GALNT14: variants seen among roughly 807,000 people sequenced by gnomAD.
GALNT14 encodes UDP-GalNAc:polypeptide N-acetylgalactosaminyltransferase 14.
Under a neutral mutation model 77.5 loss-of-function variants are expected in GALNT14, and 60 were observed. The observed-to-expected ratio is 0.77, with a 90% confidence interval of 0.63 to 0.96. GALNT14 has a LOEUF of 0.96. Among genes scored for constraint, GALNT14 ranks in the 40% least tolerant of loss-of-function variants. GALNT14 has a pLI of 0.00. For synonymous variants in GALNT14, 280 were observed against 281.7 expected (o/e 0.99, Z 0.06); for missense variants, 710 against 731.0 (o/e 0.97, Z 0.33).
At chr2:31,106,185 C>A (rs546843201) in intron 1 of GALNT14, among the ~76,000 whole-genome samples, 2 of 152,188 alleles carry the variant, frequency 1.3e-5, no homozygotes. Flanking sequence ...TTGCCCAACA[C>A]CCAAATTCGT....
At chr2:30,931,582 G>C (rs1665731025) in intron 10 of GALNT14, among the ~76,000 whole-genome samples, 1 of 151,918 alleles carries the variant, frequency 6.6e-6, no homozygotes, top group South Asian at 2.1e-4. Context: ...CCCCAGCCTG[G>C]ACCCTTTGAC....
intron 2 of GALNT14, among the ~76,000 whole-genome samples, chr2:30,968,140 C>A (rs1409804756): frequency 6.6e-6 from 1 of 152,230 alleles, no homozygotes; most frequent in Non-Finnish European, 1.5e-5. Context: ...TGAGTTCCTC[C>A]AGGGAAGGCC....
chr2:31,036,165 T>C (rs1220095691), intron 1 of GALNT14, among the ~76,000 whole-genome samples: 1 of 152,232 alleles, frequency 6.6e-6, no homozygotes, highest in Non-Finnish European at 1.5e-5. Flanking sequence ...TTTATCTCTG[T>C]CATTTTGCTT....
At chr2:30,940,522 T>C (rs1051397931) in intron 9 of GALNT14, among the ~76,000 whole-genome samples, 1 of 152,210 alleles carries the variant, frequency 6.6e-6, no homozygotes, top group Admixed American at 6.5e-5. Context: ...AACTGTGAAA[T>C]AGCGAATGCA....
chr2:31,084,181 A>T (rs1676296982), intron 1 of GALNT14, among the ~76,000 whole-genome samples: 1 of 152,152 alleles, frequency 6.6e-6, no homozygotes, highest in Non-Finnish European at 1.5e-5. Flanking sequence ...TTTTATCCTC[A>T]ACACAACCGA....
intron 1 of GALNT14, among the ~76,000 whole-genome samples, chr2:31,029,496 T>C (rs1357561312): frequency 6.6e-6 from 1 of 152,230 alleles, no homozygotes; most frequent in African/African-American, 2.4e-5. Context: ...AACGTAGTTA[T>C]ATTTCTCAGC....
At chr2:31,060,436 G>A (rs1558535834) in intron 1 of GALNT14, among the ~76,000 whole-genome samples, 1 of 152,162 alleles carries the variant, frequency 6.6e-6, no homozygotes, top group Non-Finnish European at 1.5e-5. Flanking sequence ...TTCAGCGGAG[G>A]GAAAGAACTG....
At chr2:30,951,504 T>C (rs988767989) in intron 6 of GALNT14, among the ~76,000 whole-genome samples, 12 of 152,310 alleles carry the variant, frequency 7.9e-5, no homozygotes, top group South Asian at 2.1e-4. Context: ...AAACTTTTCC[T>C]TTTGGGGTGA....
chr2:31,052,168 G>A (rs933358292), intron 1 of GALNT14, among the ~76,000 whole-genome samples: 2 of 152,074 alleles, frequency 1.3e-5, no homozygotes, highest in African/African-American at 4.8e-5. Context: ...TAGCACCCAG[G>A]ACACTGCCCC....
At chr2:31,060,224 G>C (rs1468493759) in intron 1 of GALNT14, among the ~76,000 whole-genome samples, 1 of 152,180 alleles carries the variant, frequency 6.6e-6, no homozygotes, top group African/African-American at 2.4e-5. Context: ...TTCTCTGCCA[G>C]GCTGAGCAGA....
intron 1 of GALNT14, among the ~76,000 whole-genome samples, chr2:31,126,477 A>G (rs1319009609): frequency 6.6e-6 from 1 of 152,206 alleles, no homozygotes; most frequent in Non-Finnish European, 1.5e-5. Flanking sequence ...TGTTCGTCAC[A>G]TGAAAAACCA....
At chr2:31,044,949 G>A (rs1033878526) in intron 1 of GALNT14, among the ~76,000 whole-genome samples, 6 of 151,994 alleles carry the variant, frequency 3.9e-5, no homozygotes, top group African/African-American at 1.2e-4. Flanking sequence ...TAGCAGATCC[G>A]TCAGGCATGG....
intron 1 of GALNT14, among the ~76,000 whole-genome samples, chr2:31,070,037 C>A (rs1320895192): frequency 6.6e-6 from 1 of 152,094 alleles, no homozygotes; most frequent in Admixed American, 6.5e-5. Flanking sequence ...TTACCCCCAC[C>A]CTCCGAGTCC....
At chr2:31,037,645 G>T (rs933043385) in intron 1 of GALNT14, among the ~76,000 whole-genome samples, 1 of 152,050 alleles carries the variant, frequency 6.6e-6, no homozygotes. Context: ...TTTCCCCAGG[G>T]TGTGTTTTTG....
intron 1 of GALNT14, among the ~76,000 whole-genome samples, chr2:31,020,086 A>G (rs1040560504): frequency 2.0e-5 from 3 of 152,170 alleles, no homozygotes; most frequent in Non-Finnish European, 4.4e-5. Flanking sequence ...TATCTCAGCC[A>G]TGTGGCCCCT....
chr2:31,071,664 T>A (rs540185676), intron 1 of GALNT14, among the ~76,000 whole-genome samples: 1 of 152,286 alleles, frequency 6.6e-6, no homozygotes, highest in South Asian at 2.1e-4. Flanking sequence ...CCCCGGTTTC[T>A]AAGGTGCTCT....
rs1197973895 is a variant in GALNT14 at position 30,950,434 on chromosome 2, T to G, written c.655-4564A>C. On this transcript the variant is annotated intron_variant, in intron 6 of 14. Transcript: ENST00000349752. ...GTCTCTTTCTTATCTCTTTCTATTT[T>G]TGAAAATCCCAAACTCCAATTACAG... Among the ~76,000 whole-genome samples the G allele has an allele frequency of 3.3e-5, 5 of 152,310 alleles. No homozygotes were observed. In the South Asian group the frequency reaches 1.0e-3, roughly 32 times the overall value.
At chr2:30,899,267 A>G in the GALNT14 span, among the ~76,000 whole-genome samples, 1 of 152,152 alleles carries the variant, frequency 6.6e-6, no homozygotes, top group East Asian at 1.9e-4. Flanking sequence ...TTCCAGAGGG[A>G]AGGACCCACC....
At chr2:31,003,609 C>G (rs899338428) in intron 1 of GALNT14, among the ~76,000 whole-genome samples, 8 of 152,200 alleles carry the variant, frequency 5.3e-5, no homozygotes, top group Non-Finnish European at 1.2e-4. Context: ...TCCTCCCCAC[C>G]ACTTCGCCCA....
Sources: allele counts gnomAD v4.1 joint callset (sites outside exome capture counted in the v4.1 genomes callset), GRCh38; gene constraint gnomAD v4.1.1; transcripts MANE v1.5; gene names NCBI Gene and HGNC (gene_info 2026-07-23, HGNC 2026-07-21).